The following FANK1 variants were observed in gnomAD, a reference collection of about 807,000 sequenced individuals.
The protein encoded by FANK1 is fibronectin type III and ankyrin repeat domains 1, also known as fibronectin type 3 and ankyrin repeat domains protein 1.
A neutral mutation model predicts 45.3 loss-of-function variants in FANK1; 44 were observed. That is an observed-to-expected ratio of 0.97 (90% CI 0.76 to 1.25). The LOEUF is 1.25. Among genes scored for constraint, FANK1 ranks in the 50% most tolerant of loss-of-function variants. The pLI, the probability that FANK1 is intolerant of heterozygous loss-of-function variation, is 0.00. For synonymous variants in FANK1, 149 were observed against 152.5 expected (o/e 0.98, Z 0.17); for missense variants, 391 against 424.4 (o/e 0.92, Z 0.69).
chr10:125,922,557 C>T lies in FANK1; in HGVS notation c.13+25902C>T, dbSNP rs1947017547. Among the ~76,000 whole-genome samples the T allele has an allele frequency of 2.6e-5, 4 of 152,314 alleles. No homozygotes were observed. The South Asian group carries it at 8.3e-4, about 32-fold the overall frequency. Reference sequence around the variant, plus strand: ...TTTGAGACAGGGTCTCACTCTGTTGCCCAGGCTGGAGCACAGTGGCATGAT... The same window carrying T: ...TTTGAGACAGGGTCTCACTCTGTTGTCCAGGCTGGAGCACAGTGGCATGAT... On this transcript the variant is annotated intron_variant, in intron 1 of 10. Coordinates refer to ENST00000368693, the MANE Select transcript of FANK1 (RefSeq NM_145235.5).
rs755131914 is a variant in FANK1 at position 125,980,231 on chromosome 10, C to G, written c.84C>G (p.Tyr28Ter). 2 of 1,614,154 alleles carry G rather than the reference C, an allele frequency of 1.2e-6. No individual in the cohort carries two copies. Among genetic ancestry groups the G allele is most frequent in the Non-Finnish European group, 1.7e-6 (2 of 1,180,030 alleles). ...GKVTHHSIEL[Y>*]WDLEKKAKRQ... The stretch of plus-strand genomic sequence containing the variant: ...TGACTCATCACAGCATTGAATTATA[C>G]TGGGATCTGGAAAAGAAAGCCAAAC... The change falls in exon 2 of 11, where the codon TAC becomes TAG. Residue 28 changes from tyrosine (Y) to a stop codon, truncating the protein, a stop_gained. Transcript: ENST00000368693. LOFTEE classifies it high-confidence loss of function.
intron 1 of FANK1, among the ~76,000 whole-genome samples, chr10:125,946,371 A>G (rs1367401716): frequency 6.7e-6 from 1 of 149,096 alleles, no homozygotes; most frequent in Non-Finnish European, 1.5e-5. Context: ...AAAAATTTAG[A>G]AGAATGTATA....
chr10:125,997,604 G>A (rs1952440178), intron 6 of FANK1, 119 bp downstream of exon 6: 1 of 864,002 alleles, frequency 1.2e-6, no homozygotes. Context: ...AGTCCTGAGA[G>A]GTGAGTGGGT....
chr10:125,988,386 T>C (rs996921821), intron 2 of FANK1, among the ~76,000 whole-genome samples, 165 bp from the exon 3 acceptor site: 1 of 152,190 alleles, frequency 6.6e-6, no homozygotes, highest in Non-Finnish European at 1.5e-5. Flanking sequence ...TGGGGCGCCA[T>C]GTGGGACTTG....
chr10:125,943,986 C>T (rs751715566), intron 1 of FANK1, among the ~76,000 whole-genome samples: 2 of 152,190 alleles, frequency 1.3e-5, no homozygotes, highest in Non-Finnish European at 2.9e-5. Flanking sequence ...CTAAAAGTCA[C>T]GTTTTTACGT....
chr10:125,964,789 C>G (rs949566357), intron 1 of FANK1, among the ~76,000 whole-genome samples: 1 of 152,176 alleles, frequency 6.6e-6, no homozygotes, highest in Non-Finnish European at 1.5e-5. Context: ...CTCAACTTAG[C>G]CTTGCCAACT....
intron 1 of FANK1, among the ~76,000 whole-genome samples, chr10:125,920,850 A>G (rs1476358498): frequency 1.3e-5 from 2 of 152,252 alleles, no homozygotes. Context: ...TATGTTTACA[A>G]CAAATTTGGG....
At chr10:125,917,908 C>T (rs1258224513) in intron 1 of FANK1, among the ~76,000 whole-genome samples, 1 of 152,294 alleles carries the variant, frequency 6.6e-6, no homozygotes. Flanking sequence ...CATAGTGAGA[C>T]CTCATCTCTA....
At chr10:125,999,354 C>T (rs1952589324) in intron 6 of FANK1, among the ~76,000 whole-genome samples, 1 of 151,988 alleles carries the variant, frequency 6.6e-6, no homozygotes, top group African/African-American at 2.4e-5. Context: ...CGCCCACCAC[C>T]ACACCCGGCT....
intron 9 of FANK1, 34 bp from the exon 10 acceptor site, chr10:126,009,188 A>C (rs780494932): frequency 6.2e-7 from 1 of 1,614,182 alleles, no homozygotes; most frequent in Non-Finnish European, 8.5e-7. Context: ...AAACATTTAT[A>C]AGCATGTAAA....
At chr10:125,908,933 G>A (rs2134111996) in intron 1 of FANK1, among the ~76,000 whole-genome samples, 1 of 152,416 alleles carries the variant, frequency 6.6e-6, no homozygotes, top group Admixed American at 6.5e-5. Context: ...TGTGGGTCCT[G>A]ATTTGAGAAA....
chr10:126,000,390 C>A (rs538426202), intron 6 of FANK1, among the ~76,000 whole-genome samples: 22 of 152,060 alleles, frequency 1.4e-4, no homozygotes, highest in African/African-American at 5.3e-4. Context: ...GATACTGGAA[C>A]AAATAATCAG....
intron 7 of FANK1, among the ~76,000 whole-genome samples, chr10:126,008,000 G>A (rs919982704): frequency 6.6e-6 from 1 of 152,064 alleles, no homozygotes; most frequent in Non-Finnish European, 1.5e-5. Context: ...AAATTGATAA[G>A]TATTAGTAAG....
intron 1 of FANK1, among the ~76,000 whole-genome samples, chr10:125,967,181 A>T (rs1180012842): frequency 6.6e-6 from 1 of 152,154 alleles, no homozygotes; most frequent in African/African-American, 2.4e-5. Context: ...GTTGTGATTT[A>T]TGCATGTGTG....
intron 1 of FANK1, among the ~76,000 whole-genome samples, chr10:125,952,251 C>G (rs983680112): frequency 8.6e-5 from 13 of 151,542 alleles, no homozygotes; most frequent in Admixed American, 7.9e-4. Context: ...TTTTGAGTAT[C>G]TTTCTTGACA....
intron 1 of FANK1, among the ~76,000 whole-genome samples, chr10:125,956,702 GTTTA>G (rs1017865019): frequency 2.0e-5 from 3 of 152,180 alleles, no homozygotes; most frequent in African/African-American, 4.8e-5. Flanking sequence ...CTGTGAGTGT[GTTTA>G]TTTAGCAATG....
At chr10:126,001,547 G>A (rs995544111) in intron 6 of FANK1, among the ~76,000 whole-genome samples, 1 of 152,216 alleles carries the variant, frequency 6.6e-6, no homozygotes, top group Non-Finnish European at 1.5e-5. Flanking sequence ...CTGCAGGGCT[G>A]TGCTCAGGAG....
intron 1 of FANK1, among the ~76,000 whole-genome samples, chr10:125,947,763 C>T (rs1448663325): frequency 7.3e-6 from 1 of 137,848 alleles, no homozygotes; most frequent in Non-Finnish European, 1.6e-5. Flanking sequence ...ACCAAGTGGA[C>T]CTAATAGACA....
At chr10:125,996,752 A>G in intron 5 of FANK1, 128 bp downstream of exon 5, 1 of 791,116 alleles carries the variant, frequency 1.3e-6, no homozygotes. Flanking sequence ...TATCTCCCAA[A>G]CCGTACCATA....
Sources: gnomAD v4.1 joint callset for allele counts (sites outside exome capture counted in the v4.1 genomes callset) on GRCh38, gnomAD v4.1.1 for gene constraint, MANE v1.5 for transcripts, NCBI Gene and HGNC (gene_info 2026-07-23, HGNC 2026-07-21) for gene names.